The following HABP2 variants were observed in gnomAD, a reference collection of about 807,000 sequenced individuals.
HABP2 encodes hyaluronan binding protein 2.
Under a neutral mutation model 66.5 loss-of-function variants are expected in HABP2, and 65 were observed. The observed-to-expected ratio is 0.98, with a 90% CI of 0.80 to 1.20. HABP2 has a LOEUF of 1.20. Among genes scored for constraint, HABP2 ranks in the 50% most tolerant of loss-of-function variants. The pLI is 0.00. For synonymous variants in HABP2, 263 were observed against 253.9 expected (o/e 1.04, Z -0.34); for missense variants, 786 against 691.0 (o/e 1.14, Z -1.54).
At chr10:113,559,826 T>C (rs578193306) in intron 1 of HABP2, among the ~76,000 whole-genome samples, 3 of 152,310 alleles carry the variant, frequency 2.0e-5, no homozygotes, top group Admixed American at 1.3e-4. Flanking sequence ...CTTAGCTGGG[T>C]AGGGTCTGAG....
chr10:113,567,592 G>A (rs1845223657), intron 2 of HABP2, 67 bp downstream of exon 2: 3 of 1,193,556 alleles, frequency 2.5e-6, no homozygotes, highest in Non-Finnish European at 3.8e-6. Flanking sequence ...GTGAAAAGGA[G>A]GCCTAAGTAT....
chr10:113,579,634 C>G (rs1845482153), intron 7 of HABP2, among the ~76,000 whole-genome samples: 1 of 152,238 alleles, frequency 6.6e-6, no homozygotes, highest in Admixed American at 6.5e-5. Context: ...TCTGCTGCCT[C>G]CAGGCCACTC....
At chr10:113,555,551 T>C (rs1364618390) in intron 1 of HABP2, among the ~76,000 whole-genome samples, 1 of 152,172 alleles carries the variant, frequency 6.6e-6, no homozygotes, top group Non-Finnish European at 1.5e-5. Context: ...ATTCAGATCA[T>C]GTAGCAAATG....
intron 1 of HABP2, among the ~76,000 whole-genome samples, chr10:113,565,272 A>G (rs7088443): frequency 0.33 from 49,588 of 152,172 alleles, 9,402 homozygotes; most frequent in East Asian, 0.51. Flanking sequence ...TTGTTTCAGT[A>G]TCTTAGTCCA....
intron 3 of HABP2, 77 bp downstream of exon 3, chr10:113,574,482 CCT>C (rs1401150030): frequency 4.1e-6 from 3 of 727,270 alleles, no homozygotes; most frequent in Non-Finnish European, 7.5e-6. Context: ...CATGCAAGGG[CCT>C]CTCTCTCCGC....
rs779467401 is a variant in HABP2, at chr10:113,585,931, C to T, written c.1511C>T (p.Thr504Ile). ...AATCTTCAGAAACCTGGGCAAGACA[C>T]CTGCCAGGTCAGAGACTCCAAGTGG... ...AGNLQKPGQD[T>I]CQGDSGGPLT... The change falls in exon 12 of 13, where the codon ACC becomes ATC. Residue 504 changes from threonine (T) to isoleucine (I), a missense_variant. Coordinates refer to ENST00000351270, the MANE Select transcript of HABP2 (RefSeq NM_004132.5). 5.0e-6 allele frequency: 8 copies of T among 1,613,708 alleles called. No individual in the cohort carries two copies. Among genetic ancestry groups the T allele is most frequent in the African/African-American group, 1.3e-5 (1 of 75,052 alleles).
intron 1 of HABP2, among the ~76,000 whole-genome samples, chr10:113,555,710 TATC>T (rs1844979913): frequency 6.6e-6 from 1 of 152,038 alleles, no homozygotes; most frequent in African/African-American, 2.4e-5. Context: ...TTTCCTAACA[TATC>T]ATTTTTGAGC....
intron 2 of HABP2, among the ~76,000 whole-genome samples, chr10:113,571,067 T>A (rs1845298441): frequency 6.6e-6 from 1 of 152,242 alleles, no homozygotes. Context: ...TCAAGCCCTG[T>A]GTGTCGGTTT....
chr10:113,566,290 A>G (rs377055235), intron 1 of HABP2, among the ~76,000 whole-genome samples: 1 of 152,270 alleles, frequency 6.6e-6, no homozygotes, highest in Admixed American at 6.5e-5. Flanking sequence ...AGCCATAAAC[A>G]AACAGGCATG....
At position 113,588,328 on chromosome 10, in the gene HABP2, A is replaced by G; in HGVS notation, c.1642A>G (p.Asn548Asp). ...GVYTQVTKFL[N>D]WIKATIKSES... ...CTACACCCAAGTTACCAAATTCCTG[A>G]ATTGGATCAAAGCCACCATCAAAAG... The change falls in exon 13 of 13, where the codon AAT (asparagine) becomes GAT (aspartate). Residue 548 changes from asparagine (N) to aspartate (D), a missense_variant. Asn to Asp is a conservative substitution (Grantham distance 23). Transcript: ENST00000351270. The G allele has an allele frequency of 6.2e-7, 1 of 1,613,616 alleles. No individual in the cohort carries two copies. Among genetic ancestry groups the G allele is most frequent in the Non-Finnish European group, 8.5e-7 (1 of 1,179,756 alleles).
chr10:113,556,215 G>A (rs1844988095), intron 1 of HABP2, among the ~76,000 whole-genome samples: 1 of 152,234 alleles, frequency 6.6e-6, no homozygotes, highest in South Asian at 2.1e-4. Flanking sequence ...CACAGCTCAA[G>A]TTTAACTTGG....
chr10:113,551,158 C>T (rs897560405), upstream of HABP2, among the ~76,000 whole-genome samples: 1 of 152,242 alleles, frequency 6.6e-6, no homozygotes, highest in African/African-American at 2.4e-5. Flanking sequence ...TTTCATCCAA[C>T]ATAAACTTAT....
chr10:113,578,267 T>C, intron 6 of HABP2, 122 bp downstream of exon 6: 1 of 1,084,332 alleles, frequency 9.2e-7, no homozygotes, highest in East Asian at 2.4e-5. Flanking sequence ...GCCTCAGCCT[T>C]CTCACCTAAA....
At chr10:113,564,289 G>T (rs1384630808) in intron 1 of HABP2, among the ~76,000 whole-genome samples, 5 of 152,080 alleles carry the variant, frequency 3.3e-5, no homozygotes, top group African/African-American at 1.2e-4. Flanking sequence ...TGACACATGG[G>T]AATTATGGGA....
chr10:113,568,197 C>G (rs1845236007), intron 2 of HABP2, among the ~76,000 whole-genome samples: 1 of 152,208 alleles, frequency 6.6e-6, no homozygotes, highest in Admixed American at 6.5e-5. Context: ...TCCTTTGGCT[C>G]TGGGTTCGAG....
intron 9 of HABP2, among the ~76,000 whole-genome samples, chr10:113,582,546 G>C (rs1366388337): frequency 6.6e-6 from 1 of 152,164 alleles, no homozygotes. Context: ...TACCTTGCCT[G>C]AAGTTGTATG....
At position 113,582,160 on chromosome 10, in the gene HABP2, G is replaced by C. The variant is rs1014510795; in HGVS notation, c.1094+29G>C. The stretch of plus-strand genomic sequence containing the variant: ...GGTGCCGCTGGGAGCAGGGACCAGG[G>C]TGGCTTGAGTGGCTGGGGGTGCTCT... On this transcript the variant is annotated intron_variant, in intron 9 of 12. Coordinates refer to ENST00000351270, the MANE Select transcript of HABP2 (RefSeq NM_004132.5). 28 of 1,578,674 alleles carry C rather than the reference G, an allele frequency of 1.8e-5. No individual in the cohort carries two copies. The African/African-American group carries it at 3.7e-4, about 21-fold the overall frequency.
chr10:113,578,832 T>TGGTC (rs1309173182), intron 7 of HABP2, 34 bp downstream of exon 7: 1 of 1,460,082 alleles, frequency 6.8e-7, no homozygotes, highest in Admixed American at 1.7e-5. Context: ...CAGTTGATTT[T>TGGTC]GGTCACTTAT....
At chr10:113,571,133 T>A (rs1033819736) in intron 2 of HABP2, among the ~76,000 whole-genome samples, 5 of 152,210 alleles carry the variant, frequency 3.3e-5, no homozygotes, top group Non-Finnish European at 7.3e-5. Flanking sequence ...ACTGACCATG[T>A]ATTTAGGTCA....
Sources: allele counts gnomAD v4.1 joint callset (sites outside exome capture counted in the v4.1 genomes callset), GRCh38; gene constraint gnomAD v4.1.1; transcripts MANE v1.5; gene names NCBI Gene and HGNC (gene_info 2026-07-23, HGNC 2026-07-21).